The following CRIM1 variants were observed in gnomAD, a reference collection of about 807,000 sequenced individuals.
CRIM1 encodes the protein cysteine-rich motor neuron 1 protein.
In CRIM1, 32 loss-of-function variants were observed where a neutral mutation model predicts 116.4. The ratio of observed to expected loss-of-function variants is 0.27; its 90% confidence interval spans 0.21 to 0.37. The LOEUF is 0.37. Ranked by LOEUF, CRIM1 falls within the 10% of genes least tolerant of loss-of-function variation. The pLI, the probability that CRIM1 is intolerant of heterozygous loss-of-function variation, is 1.00. For missense variants in CRIM1, 1,331 were observed against 1,354.8 expected, an observed-to-expected ratio of 0.98 and a Z score of 0.28; for synonymous variants, 590 against 509.2, an observed-to-expected ratio of 1.16 and a Z score of -2.13.
intron 1 of CRIM1, among the ~76,000 whole-genome samples, chr2:36,360,837 T>C (rs1558497452): frequency 6.6e-6 from 1 of 152,090 alleles, no homozygotes; most frequent in South Asian, 2.1e-4. Context: ...GGGCAAAATA[T>C]CAGCTTCTAT....
chr2:36,412,025 T>C (rs1161464702), intron 2 of CRIM1, among the ~76,000 whole-genome samples: 2 of 152,138 alleles, frequency 1.3e-5, no homozygotes, highest in Non-Finnish European at 2.9e-5. Context: ...CCCTATTGAA[T>C]TCAAAGGAAA....
At chr2:36,479,271 C>T (rs556869010) in intron 6 of CRIM1, among the ~76,000 whole-genome samples, 1 of 152,280 alleles carries the variant, frequency 6.6e-6, no homozygotes. Flanking sequence ...ACTACAGATC[C>T]TCTTCTCTGG....
At chr2:36,480,402 A>C (rs1208463850) in intron 7 of CRIM1, among the ~76,000 whole-genome samples, 4 of 152,232 alleles carry the variant, frequency 2.6e-5, no homozygotes, top group Non-Finnish European at 5.9e-5. Flanking sequence ...CAAGGGCTTG[A>C]ATATTTGTAC....
intron 6 of CRIM1, among the ~76,000 whole-genome samples, chr2:36,478,662 CAAACTCTATG>C (rs1296558183): frequency 1.3e-5 from 2 of 152,138 alleles, no homozygotes; most frequent in African/African-American, 4.8e-5. Context: ...TAATGATGAC[CAAACTCTATG>C]AACTGTCTGG....
chr2:36,437,232 G>A (rs374913109), intron 2 of CRIM1, among the ~76,000 whole-genome samples: 11 of 152,122 alleles, frequency 7.2e-5, no homozygotes, highest in Admixed American at 6.5e-5. Context: ...AAAATTAGCC[G>A]GGCGAGGTGG....
chr2:36,517,576 G>A, intron 12 of CRIM1, 34 bp downstream of exon 12: 1 of 1,587,170 alleles, frequency 6.3e-7, no homozygotes, highest in Non-Finnish European at 8.6e-7. Flanking sequence ...GTGCTTGGTG[G>A]GGAAGGATGC....
chr2:36,422,448 A>C (rs1265230470), intron 2 of CRIM1, among the ~76,000 whole-genome samples: 1 of 152,184 alleles, frequency 6.6e-6, no homozygotes, highest in Admixed American at 6.5e-5. Flanking sequence ...GAAATCCTGA[A>C]TATCCAAGAT....
At chr2:36,480,396 G>T (rs1679316860) in intron 7 of CRIM1, among the ~76,000 whole-genome samples, 1 of 152,090 alleles carries the variant, frequency 6.6e-6, no homozygotes, top group Non-Finnish European at 1.5e-5. Flanking sequence ...TGCAGACAAG[G>T]GCTTGAATAT....
chr2:36,469,179 T>G (rs1678290266), intron 5 of CRIM1, among the ~76,000 whole-genome samples: 1 of 152,114 alleles, frequency 6.6e-6, no homozygotes, highest in South Asian at 2.1e-4. Flanking sequence ...CTCTTCCCAG[T>G]GGTGCCAAGA....
At chr2:36,515,073 A>G (rs1391010650) in intron 11 of CRIM1, among the ~76,000 whole-genome samples, 3 of 152,220 alleles carry the variant, frequency 2.0e-5, no homozygotes, top group Non-Finnish European at 2.9e-5. Flanking sequence ...GGACTTTAAT[A>G]TGATAGAACT....
chr2:36,543,259 C>T (rs952695471), intron 14 of CRIM1, among the ~76,000 whole-genome samples: 4 of 152,120 alleles, frequency 2.6e-5, no homozygotes, highest in Admixed American at 6.5e-5. Context: ...GCTGGGTACC[C>T]AGTTAACTCA....
chr2:36,378,347 TTCTC>T (rs1670475324), intron 1 of CRIM1: 2 of 471,084 alleles, frequency 4.2e-6, no homozygotes, highest in East Asian at 1.4e-4. Context: ...CCTAACATGT[TTCTC>T]TCTAGCTGCG....
At chr2:36,391,738 CA>C (rs2148364028) in intron 1 of CRIM1, among the ~76,000 whole-genome samples, 1 of 151,586 alleles carries the variant, frequency 6.6e-6, no homozygotes, top group South Asian at 2.1e-4. Context: ...AAACTAATTC[CA>C]TAATCCTATT....
At chr2:36,518,358 C>G (rs904857763) in intron 12 of CRIM1, among the ~76,000 whole-genome samples, 1 of 152,168 alleles carries the variant, frequency 6.6e-6, no homozygotes, top group Admixed American at 6.5e-5. Context: ...CATTTACTTT[C>G]TAAACATATT....
At chr2:36,378,265 C>T in intron 1 of CRIM1, 1 of 469,176 alleles carries the variant, frequency 2.1e-6, no homozygotes, top group South Asian at 1.6e-5. Context: ...GGATATTTTT[C>T]TTCACATTAC....
chr2:36,423,979 T>C (rs1285627136), intron 2 of CRIM1, among the ~76,000 whole-genome samples: 1 of 151,800 alleles, frequency 6.6e-6, no homozygotes, highest in African/African-American at 2.4e-5. Flanking sequence ...CGTAGGTAGG[T>C]GGATAGAAAG....
At chr2:36,371,166 A>G (rs996564840) in intron 1 of CRIM1, among the ~76,000 whole-genome samples, 1 of 152,100 alleles carries the variant, frequency 6.6e-6, no homozygotes, top group Non-Finnish European at 1.5e-5. Context: ...GTCCTTTAAT[A>G]TGTGTTGGCA....
rs1206068409 is a variant in CRIM1 at position 36,464,587 on chromosome 2, C to T, written c.923C>T (p.Thr308Ile). The T allele has an allele frequency of 6.2e-7, 1 of 1,614,124 alleles. No individual in the cohort carries two copies. The highest frequency in any genetic ancestry group is 1.7e-5 in the Admixed American group (1 of 60,028). Reference sequence around the variant, plus strand: ...TTCCCCGTGTGTGAGGTGGGATCCACTCCCCGCATAGTCTCTCGTGGCGAT... The same window carrying T: ...TTCCCCGTGTGTGAGGTGGGATCCATTCCCCGCATAGTCTCTCGTGGCGAT... The part of the protein sequence containing the change: ...CGFPVCEVGS[T>I]PRIVSRGDGT... The change falls in exon 5 of 17, where the codon ACT (threonine) becomes ATT (isoleucine). Residue 308 changes from threonine to isoleucine, a missense_variant. Coordinates refer to ENST00000280527, the MANE Select transcript of CRIM1 (RefSeq NM_016441.3).
At position 36,482,022 on chromosome 2, in the gene CRIM1, C is replaced by T. The variant is rs185054592; in HGVS notation, c.1372+2328C>T. ...TTTGAAGACCTCAGGGGAAAGATGC[C>T]TTTGAGATGCATCCCTGAGTTCACT... On this transcript the variant is annotated intron_variant, in intron 7 of 16. Coordinates refer to ENST00000280527, the MANE Select transcript of CRIM1 (RefSeq NM_016441.3). Among the ~76,000 whole-genome samples, 154 of 152,286 alleles carry T rather than the reference C, an allele frequency of 1.0e-3. 2 individuals are homozygous for T. Among genetic ancestry groups the T allele is most frequent in the African/African-American group, 3.6e-3 (149 of 41,548 alleles).
Sources: allele counts gnomAD v4.1 joint callset (sites outside exome capture counted in the v4.1 genomes callset), GRCh38; gene constraint gnomAD v4.1.1; transcripts MANE v1.5; gene names NCBI Gene and HGNC (gene_info 2026-07-23, HGNC 2026-07-21).